Variants in ZNF804B observed in about 807,000 individuals in gnomAD.
The protein encoded by ZNF804B is zinc finger protein 804B.
Under a neutral mutation model 101.4 loss-of-function variants are expected in ZNF804B, and 80 were observed. That is an observed-to-expected ratio of 0.79 (90% CI 0.66 to 0.95). ZNF804B has a LOEUF of 0.95. ZNF804B is among the 40% of genes least tolerant of loss of function. The pLI, the probability that ZNF804B is intolerant of heterozygous loss-of-function variation, is 0.00. For synonymous variants in ZNF804B, 622 were observed against 558.8 expected, an observed-to-expected ratio of 1.11 and a Z score of -1.59; for missense variants, 1,673 against 1,561.9, an observed-to-expected ratio of 1.07 and a Z score of -1.20.
intron 2 of ZNF804B, among the ~76,000 whole-genome samples, chr7:89,284,280 C>T (rs1417902296): frequency 3.3e-5 from 5 of 152,180 alleles, no homozygotes. Context: ...GGAAGTTCAT[C>T]TCTCCAATTG....
intron 1 of ZNF804B, among the ~76,000 whole-genome samples, chr7:88,992,239 C>T (rs2116155587): frequency 6.6e-6 from 1 of 152,214 alleles, no homozygotes; most frequent in South Asian, 2.1e-4. Flanking sequence ...ATTTTGCATA[C>T]CAAAATTAAA....
chr7:89,123,289 A>G (rs545784387), intron 1 of ZNF804B, among the ~76,000 whole-genome samples: 16 of 152,120 alleles, frequency 1.1e-4, no homozygotes, highest in Non-Finnish European at 2.4e-4. Flanking sequence ...ACAAGCAATT[A>G]AAATAAAGAC....
intron 1 of ZNF804B, among the ~76,000 whole-genome samples, chr7:88,999,338 A>G (rs1268988045): frequency 2.0e-5 from 3 of 152,030 alleles, no homozygotes; most frequent in African/African-American, 7.2e-5. Context: ...CAGTCTGAAG[A>G]CTAGTATAGT....
chr7:89,224,737 TG>T (rs1383263559), intron 2 of ZNF804B, among the ~76,000 whole-genome samples: 4 of 99,804 alleles, frequency 4.0e-5, no homozygotes, highest in Non-Finnish European at 9.1e-5. Flanking sequence ...TGTGTGTGTG[TG>T]TGTGTGTGTG....
chr7:89,022,138 A>C (rs922839904), intron 1 of ZNF804B, among the ~76,000 whole-genome samples: 1 of 152,136 alleles, frequency 6.6e-6, no homozygotes, highest in African/African-American at 2.4e-5. Context: ...AGGATGGCTC[A>C]TTAGTCTCTC....
At chr7:89,025,805 G>A (rs892257093) in intron 1 of ZNF804B, among the ~76,000 whole-genome samples, 12 of 152,008 alleles carry the variant, frequency 7.9e-5, no homozygotes, top group African/African-American at 2.9e-4. Flanking sequence ...TCTTGCTCTT[G>A]GATCATGGTA....
At chr7:89,305,318 T>C (rs2115930910) in intron 2 of ZNF804B, among the ~76,000 whole-genome samples, 1 of 152,146 alleles carries the variant, frequency 6.6e-6, no homozygotes, top group South Asian at 2.1e-4. Context: ...TGTTATGATT[T>C]TCTTTTGGCA....
chr7:88,834,424 C>T lies in ZNF804B; in HGVS notation c.108+74340C>T, dbSNP rs191971790. On this transcript the variant is annotated intron_variant, in intron 1 of 3. Transcript: ENST00000333190. ...TATAGTCTATACAAGAAAAACTAGT[C>T]ATCTCCAGTTGCTTAAAAGACAAGT... 2.6e-5 allele frequency among the ~76,000 whole-genome samples: 4 copies of T among 151,848 alleles called. No individual in the cohort carries two copies. In the East Asian group the frequency reaches 7.8e-4, roughly 30 times the overall value.
At chr7:89,206,439 A>G (rs957269787) in intron 1 of ZNF804B, among the ~76,000 whole-genome samples, 2 of 152,106 alleles carry the variant, frequency 1.3e-5, no homozygotes, top group African/African-American at 4.8e-5. Context: ...TTTCCAAACT[A>G]TGTATTTGTG....
chr7:89,070,825 T>A (rs1162473081), intron 1 of ZNF804B, among the ~76,000 whole-genome samples: 1 of 152,076 alleles, frequency 6.6e-6, no homozygotes, highest in Non-Finnish European at 1.5e-5. Context: ...TTAATGGGCA[T>A]TCAAGTCTTC....
Position 89,073,486 on chromosome 7 carries a change from A to T in ZNF804B, c.109-144669A>T, listed in dbSNP as rs764175647. Among the ~76,000 whole-genome samples the T allele has an allele frequency of 1.3e-4, 20 of 152,316 alleles. No individual in the cohort carries two copies. The East Asian group carries it at 3.9e-3, about 29-fold the overall frequency. On this transcript the variant is annotated intron_variant, in intron 1 of 3. Coordinates refer to ENST00000333190, the MANE Select transcript of ZNF804B (RefSeq NM_181646.5). ...TAATAGGTTTTCTGAATATATTACC[A>T]TAATTATCTGATCATCCCATTTATT...
chr7:89,260,355 T>A (rs1789693038), intron 2 of ZNF804B, among the ~76,000 whole-genome samples: 1 of 152,138 alleles, frequency 6.6e-6, no homozygotes, highest in Non-Finnish European at 1.5e-5. Flanking sequence ...CACTTTTTTT[T>A]TTGAATAAGG....
chr7:89,020,114 CCTTT>C (rs1788641886), intron 1 of ZNF804B, among the ~76,000 whole-genome samples: 1 of 151,972 alleles, frequency 6.6e-6, no homozygotes, highest in African/African-American at 2.4e-5. Flanking sequence ...AAAGATAGAA[CCTTT>C]CTCTTTCTTT....
intron 1 of ZNF804B, among the ~76,000 whole-genome samples, chr7:88,930,160 C>T (rs1278880067): frequency 6.6e-6 from 1 of 151,812 alleles, no homozygotes; most frequent in Non-Finnish European, 1.5e-5. Context: ...ATAATATTAC[C>T]TATATGCTTT....
At chr7:89,321,327 A>T (rs528026069) in intron 2 of ZNF804B, among the ~76,000 whole-genome samples, 33 of 152,112 alleles carry the variant, frequency 2.2e-4, no homozygotes, top group Non-Finnish European at 4.0e-4. Context: ...AAAAATACAA[A>T]AATTAGCCAG....
chr7:88,764,753 T>C (rs1789955336), intron 1 of ZNF804B, among the ~76,000 whole-genome samples: 1 of 152,174 alleles, frequency 6.6e-6, no homozygotes, highest in African/African-American at 2.4e-5. Context: ...TTAAAGACTT[T>C]CAAAATTGCT....
At chr7:88,857,609 A>T (rs572005016) in intron 1 of ZNF804B, among the ~76,000 whole-genome samples, 10 of 152,164 alleles carry the variant, frequency 6.6e-5, no homozygotes, top group Admixed American at 5.9e-4. Flanking sequence ...TCTGAAATTG[A>T]GGCAATAATT....
At chr7:88,768,099 C>T (rs1433812729) in intron 1 of ZNF804B, among the ~76,000 whole-genome samples, 3 of 152,132 alleles carry the variant, frequency 2.0e-5, no homozygotes, top group Non-Finnish European at 2.9e-5. Flanking sequence ...AATGAATGAA[C>T]GGAGGTGTGA....
At chr7:89,191,990 TA>T (rs139050878) in intron 1 of ZNF804B, among the ~76,000 whole-genome samples, 33 of 152,042 alleles carry the variant, frequency 2.2e-4, no homozygotes, top group African/African-American at 6.7e-4. Context: ...TTATAAACTC[TA>T]AAAAAAATTG....
Sources: gnomAD v4.1 joint callset for allele counts (sites outside exome capture counted in the v4.1 genomes callset) on GRCh38, gnomAD v4.1.1 for gene constraint, MANE v1.5 for transcripts, NCBI Gene and HGNC (gene_info 2026-07-23, HGNC 2026-07-21) for gene names.